FILIP1: variants seen among roughly 807,000 people sequenced by gnomAD.
FILIP1 encodes the protein filamin A interacting protein 1.
Under a neutral mutation model 102.1 loss-of-function variants are expected in FILIP1, and 61 were observed. The ratio of observed to expected loss-of-function variants is 0.60; its 90% CI spans 0.49 to 0.74. The LOEUF (loss-of-function observed/expected upper bound fraction) is 0.74. FILIP1 is among the 30% of genes least tolerant of loss of function. The pLI, the probability that FILIP1 is intolerant of heterozygous loss-of-function variation, is 0.00. For synonymous variants in FILIP1, 491 were observed against 526.9 expected (o/e 0.93, Z 0.93); for missense variants, 1,314 against 1,441.2 (o/e 0.91, Z 1.43).
chr6:75,420,757 T>C (rs906131675), intron 1 of FILIP1, among the ~76,000 whole-genome samples: 4 of 152,174 alleles, frequency 2.6e-5, no homozygotes, highest in Non-Finnish European at 5.9e-5. Flanking sequence ...TCCTGGGTAA[T>C]TTTGTACATT....
chr6:75,404,596 C>T (rs1250187628), intron 2 of FILIP1, among the ~76,000 whole-genome samples: 8 of 152,158 alleles, frequency 5.3e-5, no homozygotes, highest in Admixed American at 5.2e-4. Flanking sequence ...CTTTCTTTAG[C>T]ATTCCCCTCT....
At chr6:75,393,951 A>G (rs954619297) in intron 2 of FILIP1, among the ~76,000 whole-genome samples, 7 of 152,192 alleles carry the variant, frequency 4.6e-5, no homozygotes, top group Non-Finnish European at 8.8e-5. Context: ...GCCTCCCACA[A>G]CTAGCCTCAT....
Position 75,314,548 on chromosome 6 carries a change from T to C in FILIP1, c.1284A>G (p.Leu428=). The C allele has an allele frequency of 6.2e-7, 1 of 1,614,048 alleles. No homozygotes were observed. Among genetic ancestry groups the C allele is most frequent in the Non-Finnish European group, 8.5e-7 (1 of 1,180,022 alleles). ...TCTCTAGTTCAGACATTCTCTTCTG[T>C]AGCTTCTCAACTTCAAGTCTGAGCT... ...SKELRLEVEK[L]QKRMSELEKL... is the part of the protein sequence containing the mutation. Residue 428 remains leucine (L), a synonymous_variant, in exon 5 of 6, where the codon CTA becomes CTG. Transcript: ENST00000237172.
intron 4 of FILIP1, among the ~76,000 whole-genome samples, chr6:75,317,364 A>G (rs529057483): frequency 3.3e-5 from 5 of 152,318 alleles, no homozygotes; most frequent in Admixed American, 2.0e-4. Context: ...AACCATATAG[A>G]ATTGTTGTGA....
chr6:75,428,641 C>G (rs369589572), intron 1 of FILIP1, among the ~76,000 whole-genome samples: 32 of 152,268 alleles, frequency 2.1e-4, no homozygotes, highest in African/African-American at 7.0e-4. Context: ...CAAAGTTAAA[C>G]TAGAAATACT....
intron 4 of FILIP1, among the ~76,000 whole-genome samples, chr6:75,337,611 C>A (rs1045911705): frequency 6.6e-6 from 1 of 151,390 alleles, no homozygotes; most frequent in Admixed American, 6.6e-5. Flanking sequence ...CATGGCAGGG[C>A]AGGAAGAAGA....
chr6:75,297,819 G>T (rs1772723229), intron 6 of FILIP1, among the ~76,000 whole-genome samples: 1 of 152,160 alleles, frequency 6.6e-6, no homozygotes, highest in African/African-American at 2.4e-5. Context: ...CCTTAAGAAA[G>T]CATAGATAAA....
Position 75,379,349 on chromosome 6 carries a change from A to G in FILIP1, c.277-16432T>C, listed in dbSNP as rs182261435. ...TGATATTCAGATGCCTTTTGCATAT[A>G]GAAATAGGCGACTGTTTCGTTTGCA... On this transcript the variant is annotated intron_variant, in intron 2 of 5. Transcript: ENST00000237172. Among the ~76,000 whole-genome samples, 10 of 152,374 alleles carry G rather than the reference A, an allele frequency of 6.6e-5. No individual in the cohort carries two copies. The East Asian group carries it at 1.7e-3, about 26-fold the overall frequency.
At chr6:75,309,477 C>A (rs1582315391) in intron 5 of FILIP1, among the ~76,000 whole-genome samples, 1 of 152,118 alleles carries the variant, frequency 6.6e-6, no homozygotes, top group Non-Finnish European at 1.5e-5. Context: ...ACTCTGCCTG[C>A]CTTCTAAATG....
intron 1 of FILIP1, among the ~76,000 whole-genome samples, chr6:75,438,268 G>A (rs1778090201): frequency 2.0e-5 from 3 of 152,184 alleles, no homozygotes; most frequent in Non-Finnish European, 4.4e-5. Context: ...CATTCACTGA[G>A]CTGTGATATA....
At chr6:75,331,011 TAAC>T (rs1171157035) in intron 4 of FILIP1, among the ~76,000 whole-genome samples, 1 of 152,186 alleles carries the variant, frequency 6.6e-6, no homozygotes, top group African/African-American at 2.4e-5. Context: ...TCATGACTAA[TAAC>T]AAATTATACG....
chr6:75,301,497 A>T, intron 6 of FILIP1, among the ~76,000 whole-genome samples: 1 of 152,176 alleles, frequency 6.6e-6, no homozygotes. Flanking sequence ...AATAGTAATT[A>T]TCCTCTTGAT....
At chr6:75,340,224 A>G (rs1488502257) in intron 4 of FILIP1, among the ~76,000 whole-genome samples, 1 of 152,084 alleles carries the variant, frequency 6.6e-6, no homozygotes, top group East Asian at 1.9e-4. Flanking sequence ...TTATTCCTCA[A>G]ATATAATTTT....
intron 2 of FILIP1, among the ~76,000 whole-genome samples, chr6:75,406,310 G>A (rs573255248): frequency 1.3e-5 from 2 of 152,234 alleles, no homozygotes; most frequent in Admixed American, 1.3e-4. Context: ...CAATGAACAT[G>A]GCCCAGACTT....
intron 2 of FILIP1, among the ~76,000 whole-genome samples, chr6:75,372,722 GAGAAAGAGAAAGAAAGAAAGAAAGAA>G (rs1775599335): frequency 7.6e-5 from 5 of 65,932 alleles, no homozygotes; most frequent in African/African-American, 3.6e-4. Context: ...AGGAAAGAAA[GAGAAAGAGAAAGAAAGAAAGAAAGAA>G]AGAAAGAAAG....
chr6:75,449,031 T>G (rs1778530736), intron 1 of FILIP1, among the ~76,000 whole-genome samples: 1 of 152,128 alleles, frequency 6.6e-6, no homozygotes, highest in African/African-American at 2.4e-5. Flanking sequence ...CATATGCATG[T>G]TTATAGCAGC....
intron 2 of FILIP1, among the ~76,000 whole-genome samples, chr6:75,382,475 T>C (rs1323956954): frequency 1.3e-5 from 2 of 152,232 alleles, no homozygotes; most frequent in African/African-American, 2.4e-5. Flanking sequence ...ACTGACATAA[T>C]TAATTATCTG....
intron 1 of FILIP1, among the ~76,000 whole-genome samples, chr6:75,471,537 A>G (rs1053814469): frequency 6.6e-6 from 1 of 152,192 alleles, no homozygotes; most frequent in Non-Finnish European, 1.5e-5. Flanking sequence ...ATAATTTTGC[A>G]TATCCTGTCA....
intron 2 of FILIP1, among the ~76,000 whole-genome samples, chr6:75,372,752 AAG>A: frequency 1.9e-5 from 1 of 52,610 alleles, no homozygotes; most frequent in Non-Finnish European, 4.0e-5. Flanking sequence ...GAAAGAAAGA[AAG>A]AAAGAAAGAA....
Sources: gnomAD v4.1 joint callset for allele counts (sites outside exome capture counted in the v4.1 genomes callset) on GRCh38, gnomAD v4.1.1 for gene constraint, MANE v1.5 for transcripts, NCBI Gene and HGNC (gene_info 2026-07-23, HGNC 2026-07-21) for gene names.